Variants in SPG21 observed in about 807,000 individuals in gnomAD.
SPG21 encodes SPG21 abhydrolase domain containing, maspardin, also known as maspardin.
In SPG21, 26 loss-of-function variants were observed where a neutral mutation model predicts 38.9. The observed-to-expected ratio is 0.67, with a 90% CI of 0.49 to 0.93. The LOEUF is 0.93. Among genes scored for constraint, SPG21 ranks in the 40% least tolerant of loss-of-function variants. SPG21 has a pLI of 0.00. For missense variants in SPG21, 333 were observed against 376.5 expected (o/e 0.88, Z 0.96); for synonymous variants, 136 against 128.9 (o/e 1.05, Z -0.37).
chr15:64,967,141 G>A (rs1280916076), intron 7 of SPG21, among the ~76,000 whole-genome samples: 2 of 151,854 alleles, frequency 1.3e-5, no homozygotes, highest in African/African-American at 2.4e-5. Context: ...AGCCACTGTG[G>A]AAGACAGTAT....
Position 64,969,311 on chromosome 15 carries a change from G to C in SPG21, c.613C>G (p.Gln205Glu). 1.2e-6 allele frequency: 2 copies of C among 1,614,096 alleles called. No individual in the cohort carries two copies. Among genetic ancestry groups the C allele is most frequent in the Non-Finnish European group, 1.7e-6 (2 of 1,180,002 alleles). The part of the protein sequence containing the change: ...ELASRLTLNC[Q>E]NSYVEPHKIR... ...TTATGAGGTTCCACATAAGAATTTTGACAATTCAAGGTAAGTCTTGAAGCC... is the reference window on the plus strand; with the variant it reads ...TTATGAGGTTCCACATAAGAATTTTCACAATTCAAGGTAAGTCTTGAAGCC... Residue 205 changes from glutamine (Q) to glutamate (E), a missense_variant, in exon 7 of 9, where the codon CAA (glutamine) becomes GAA (glutamate). Coordinates refer to ENST00000204566, the MANE Select transcript of SPG21 (RefSeq NM_016630.7).
rs1013535233 is a variant in SPG21, at chr15:64,974,459, A to G, written c.452+143T>C. On this transcript the variant is annotated intron_variant, in intron 5 of 8. Coordinates refer to ENST00000204566, the MANE Select transcript of SPG21 (RefSeq NM_016630.7). ...CACTGCACTTCAGCCTGGGTGACAGAGCAAGACTCTGTCTCAAAAAAAAAG... is the reference window on the plus strand; with the variant it reads ...CACTGCACTTCAGCCTGGGTGACAGGGCAAGACTCTGTCTCAAAAAAAAAG... 5 of 959,948 alleles carry G rather than the reference A, an allele frequency of 5.2e-6. No homozygotes were observed. In the African/African-American group the frequency reaches 6.6e-5, roughly 13 times the overall value. 59.5% of individuals were successfully genotyped at this position (959,948 alleles called of 1,614,324 possible).
At chr15:64,977,742 T>C (rs1350465736) in intron 3 of SPG21, among the ~76,000 whole-genome samples, 1 of 152,118 alleles carries the variant, frequency 6.6e-6, no homozygotes, top group African/African-American at 2.4e-5. Flanking sequence ...AGCCTATCTA[T>C]TAATGCTGGC....
intron 1 of SPG21, among the ~76,000 whole-genome samples, chr15:64,984,310 C>A (rs1003438797): frequency 3.3e-5 from 5 of 152,120 alleles, no homozygotes; most frequent in African/African-American, 7.2e-5. Flanking sequence ...ATGCTCCTGT[C>A]TGATTATAGG....
chr15:64,981,714 C>G (rs77947428), intron 2 of SPG21: 1 of 151,250 alleles, frequency 6.6e-6, no homozygotes, highest in Admixed American at 6.6e-5. Flanking sequence ...AAGACAAGTG[C>G]TCAGCAGAGT....
Position 64,980,963 on chromosome 15 carries a change from G to A in SPG21, c.126C>T (p.Ile42=), listed in dbSNP as rs943751413. 1 of 1,614,134 alleles carries A rather than the reference G, an allele frequency of 6.2e-7. No homozygotes were observed. The highest frequency in any genetic ancestry group is 8.5e-7 in the Non-Finnish European group (1 of 1,180,024). The change falls in exon 3 of 9, where the codon ATC becomes ATT. Residue 42 remains isoleucine (I), a synonymous_variant. Transcript: ENST00000204566. Reference sequence around the variant, plus strand: ...GGGGCAGGAATATGAGAGGACACCTGATACTTCGGGGGCCCGCGTCATAGA... The same window carrying A: ...GGGGCAGGAATATGAGAGGACACCTAATACTTCGGGGGCCCGCGTCATAGA... The part of the protein sequence containing the change: ...WSLYDAGPRS[I]RCPLIFLPPV...
At chr15:64,965,279 T>C (rs1438118881) in intron 8 of SPG21, 41 bp downstream of exon 8, 2 of 1,614,058 alleles carry the variant, frequency 1.2e-6, no homozygotes, top group African/African-American at 1.3e-5. Flanking sequence ...TGCAAACATA[T>C]GTTGGGCTCA....
chr15:64,978,409 C>T (rs2085826281), intron 3 of SPG21, among the ~76,000 whole-genome samples: 1 of 152,008 alleles, frequency 6.6e-6, no homozygotes, highest in African/African-American at 2.4e-5. Context: ...GATCATACTA[C>T]TGCACTCTAG....
chr15:64,989,289 A>T (rs1312766939), intron 1 of SPG21: 1 of 152,008 alleles, frequency 6.6e-6, no homozygotes, highest in Non-Finnish European at 1.5e-5. Context: ...AAAAAAAAAA[A>T]GAAAGAAAGA....
At chr15:64,976,671 C>A in intron 3 of SPG21, 116 bp from the exon 4 acceptor site, 1 of 722,904 alleles carries the variant, frequency 1.4e-6, no homozygotes, top group South Asian at 1.7e-5. Flanking sequence ...AAGCGCTGCT[C>A]CTTATTCAAA....
chr15:64,965,731 CTTT>C (rs796732000), intron 7 of SPG21, among the ~76,000 whole-genome samples: 1 of 144,766 alleles, frequency 6.9e-6, no homozygotes, highest in Admixed American at 7.0e-5. Context: ...GGGGGAAATT[CTTT>C]TTTTTTTTTT....
intron 3 of SPG21, among the ~76,000 whole-genome samples, chr15:64,978,571 A>G (rs893513687): frequency 6.6e-6 from 1 of 152,230 alleles, no homozygotes; most frequent in African/African-American, 2.4e-5. Flanking sequence ...CATATGAATT[A>G]TGGAATCATT....
At chr15:64,980,511 GATGA>G (rs1173997002) in intron 3 of SPG21, among the ~76,000 whole-genome samples, 1 of 152,120 alleles carries the variant, frequency 6.6e-6, no homozygotes. Flanking sequence ...GGCTGAGGTG[GATGA>G]ATCATGAGGT....
Position 64,974,682 on chromosome 15 carries a change from T to C in SPG21, c.372A>G (p.Lys124=). The C allele has an allele frequency of 1.9e-6, 3 of 1,614,112 alleles. No homozygotes were observed. The highest frequency in any genetic ancestry group is 1.1e-5 in the South Asian group (1 of 91,076). ...LAQKFAEYTH[K]SPRVHSLILC... ...GGATTAGGGAATGGACTCTAGGAGATTTGTGAGTGTATTCAGCAAATTTCT... is the reference window on the plus strand; with the variant it reads ...GGATTAGGGAATGGACTCTAGGAGACTTGTGAGTGTATTCAGCAAATTTCT... Residue 124 remains lysine (K), a synonymous_variant, in exon 5 of 9, where the codon AAA becomes AAG. Coordinates refer to ENST00000204566, the MANE Select transcript of SPG21 (RefSeq NM_016630.7).
chr15:64,970,164 C>G lies in SPG21; in HGVS notation c.511G>C (p.Gly171Arg). 1 of 1,614,142 alleles carries G rather than the reference C, an allele frequency of 6.2e-7. No individual in the cohort carries two copies. Among genetic ancestry groups the G allele is most frequent in the Non-Finnish European group, 8.5e-7 (1 of 1,180,046 alleles). ...KKIVLGNFSS[G>R]PVDPMMADAI... ...TCAGCCATCATAGGGTCCACCGGGC[C>G]AGATGAAAAATTTCCAAGAACTATT... The change falls in exon 6 of 9, where the codon GGC becomes CGC. Residue 171 changes from glycine (G) to arginine (R), a missense_variant. Coordinates refer to ENST00000204566, the MANE Select transcript of SPG21 (RefSeq NM_016630.7).
chr15:64,978,667 C>G lies in SPG21; in HGVS notation c.226-2112G>C, dbSNP rs1237255640. On this transcript the variant is annotated intron_variant, in intron 3 of 8. Transcript: ENST00000204566. Reference sequence around the variant, plus strand: ...TCCAAGAAAGAATGGGGAACTGATTCTACCTAGCAGAAAGTTTGAGAATTT... The same window carrying G: ...TCCAAGAAAGAATGGGGAACTGATTGTACCTAGCAGAAAGTTTGAGAATTT... Among the ~76,000 whole-genome samples the G allele has an allele frequency of 2.6e-5, 4 of 152,252 alleles. No homozygotes were observed. In the East Asian group the frequency reaches 5.8e-4, roughly 22 times the overall value.
intron 2 of SPG21, among the ~76,000 whole-genome samples, chr15:64,981,964 G>C (rs1202867574): frequency 1.3e-5 from 2 of 152,100 alleles, no homozygotes; most frequent in Non-Finnish European, 2.9e-5. Context: ...CTCTGTGGGT[G>C]GCAGCACACT....
At chr15:64,980,821 A>AAC (rs1555400845) in intron 3 of SPG21, 43 bp downstream of exon 3, 3 of 1,604,714 alleles carry the variant, frequency 1.9e-6, no homozygotes, top group South Asian at 1.1e-5. Flanking sequence ...AAAAAAAAAA[A>AAC]ACACACAAAA....
chr15:64,974,926 CCAT>C (rs2085746268), intron 4 of SPG21, among the ~76,000 whole-genome samples, 179 bp from the exon 5 acceptor site: 1 of 152,014 alleles, frequency 6.6e-6, no homozygotes, highest in Non-Finnish European at 1.5e-5. Context: ...TTTATACAGT[CCAT>C]CAAGATAATA....
Sources: gnomAD v4.1 joint callset for allele counts (sites outside exome capture counted in the v4.1 genomes callset) on GRCh38, gnomAD v4.1.1 for gene constraint, MANE v1.5 for transcripts, NCBI Gene and HGNC (gene_info 2026-07-23, HGNC 2026-07-21) for gene names.